Variants in OTUD7A observed in about 807,000 individuals in gnomAD.
The protein encoded by OTUD7A is OTU domain-containing protein 7A.
OTUD7A carries 12 observed loss-of-function variants against 65.7 expected under a neutral mutation model. The ratio of observed to expected loss-of-function variants is 0.18; its 90% CI spans 0.12 to 0.30. The LOEUF (loss-of-function observed/expected upper bound fraction) is 0.30, where lower values mean the gene tolerates loss of function less well. Ranked by LOEUF, OTUD7A falls within the 10% of genes least tolerant of loss-of-function variation. The pLI, the probability that OTUD7A is intolerant of heterozygous loss-of-function variation, is 1.00. For missense variants in OTUD7A, 1,148 were observed against 1,304.8 expected (o/e 0.88, Z 1.85); for synonymous variants, 641 against 586.3 (o/e 1.09, Z -1.35).
chr15:31,497,153 G>A (rs144704432), intron 10 of OTUD7A, among the ~76,000 whole-genome samples: 2 of 152,298 alleles, frequency 1.3e-5, no homozygotes, highest in Admixed American at 6.5e-5. Flanking sequence ...ACACACTGAG[G>A]GTGCCCTGAC....
chr15:31,622,376 T>C (rs1304544421), intron 3 of OTUD7A, among the ~76,000 whole-genome samples: 2 of 152,204 alleles, frequency 1.3e-5, no homozygotes, highest in East Asian at 1.9e-4. Context: ...CTTGGTTCCA[T>C]TCGCCCCCTC....
chr15:31,782,299 C>A (rs112301543), intron 1 of OTUD7A, among the ~76,000 whole-genome samples: 3 of 152,184 alleles, frequency 2.0e-5, no homozygotes, highest in Non-Finnish European at 2.9e-5. Context: ...GAGCAAATCC[C>A]GGTCTCTAAA....
In OTUD7A at chr15:31,654,582, G is replaced by GA. The variant is rs796899434; in HGVS notation, c.151+513dup. The stretch of plus-strand genomic sequence containing the variant: ...CCTTTACATACCACTGCCGCCATCA[G>GA]AAAAAAAAAAGAAAGGTAAATCCAT... On this transcript the variant is annotated intron_variant, in intron 3 of 12. Coordinates refer to ENST00000307050, the MANE Select transcript of OTUD7A (RefSeq NM_001382637.1). Among the ~76,000 whole-genome samples the GA allele has an allele frequency of 3.1e-3, 459 of 146,048 alleles. 5 individuals are homozygous for GA. The highest frequency in any genetic ancestry group is 0.011 in the African/African-American group (430 of 39,896).
chr15:31,654,769 C>T (rs943842827), intron 3 of OTUD7A, among the ~76,000 whole-genome samples: 8 of 152,176 alleles, frequency 5.3e-5, no homozygotes, highest in African/African-American at 1.7e-4. Flanking sequence ...TTGTGAATTA[C>T]TCCCAGTGGC....
chr15:31,734,666 A>G (rs1894137556), intron 1 of OTUD7A, among the ~76,000 whole-genome samples: 1 of 152,032 alleles, frequency 6.6e-6, no homozygotes, highest in Non-Finnish European at 1.5e-5. Flanking sequence ...AAGACTCTCT[A>G]TTTAATAAGT....
chr15:31,772,763 T>C (rs1490282611), intron 1 of OTUD7A, among the ~76,000 whole-genome samples: 3 of 152,250 alleles, frequency 2.0e-5, no homozygotes, highest in Non-Finnish European at 4.4e-5. Context: ...TAAACATATA[T>C]GAAGTTCAAA....
At chr15:31,825,226 G>C (rs1469408931) in intron 1 of OTUD7A, among the ~76,000 whole-genome samples, 1 of 152,206 alleles carries the variant, frequency 6.6e-6, no homozygotes, top group African/African-American at 2.4e-5. Flanking sequence ...TGCTGATAAA[G>C]ACATACCTGA....
intron 1 of OTUD7A, among the ~76,000 whole-genome samples, chr15:31,660,730 G>A (rs750431014): frequency 6.6e-6 from 1 of 152,262 alleles, no homozygotes; most frequent in Admixed American, 6.5e-5. Context: ...GACAGATAGG[G>A]CTGTGTGAAA....
At chr15:31,634,518 G>A (rs188656320) in intron 3 of OTUD7A, among the ~76,000 whole-genome samples, 100 of 152,294 alleles carry the variant, frequency 6.6e-4, no homozygotes, top group African/African-American at 2.1e-3. Flanking sequence ...TTCTCCACCC[G>A]TCTCCACCCA....
At chr15:31,513,412 CCCA>C (rs1366017468) in intron 8 of OTUD7A, among the ~76,000 whole-genome samples, 4 of 152,190 alleles carry the variant, frequency 2.6e-5, no homozygotes, top group Admixed American at 2.6e-4. Flanking sequence ...ATCACCAGAC[CCCA>C]CGTGTGTGTG....
At chr15:31,839,915 A>G (rs935089184) in intron 1 of OTUD7A, among the ~76,000 whole-genome samples, 17 of 151,002 alleles carry the variant, frequency 1.1e-4, no homozygotes, top group Admixed American at 1.1e-3. Flanking sequence ...CAAAATATAA[A>G]TGATATTTTG....
chr15:31,811,671 T>C (rs578232128), intron 1 of OTUD7A, among the ~76,000 whole-genome samples: 11 of 152,060 alleles, frequency 7.2e-5, no homozygotes, highest in Non-Finnish European at 1.3e-4. Context: ...TAAAGGGTAG[T>C]AGAGAGGTGC....
chr15:31,701,567 A>C (rs1893214740), intron 1 of OTUD7A, among the ~76,000 whole-genome samples: 1 of 151,792 alleles, frequency 6.6e-6, no homozygotes, highest in African/African-American at 2.4e-5. Flanking sequence ...GAAATGGACC[A>C]ATTCCTTGAG....
intron 4 of OTUD7A, among the ~76,000 whole-genome samples, chr15:31,568,953 C>A (rs1888962199): frequency 6.6e-6 from 1 of 152,218 alleles, no homozygotes; most frequent in Non-Finnish European, 1.5e-5. Flanking sequence ...GTAAAGCCTG[C>A]AGAACCACGA....
intron 1 of OTUD7A, among the ~76,000 whole-genome samples, chr15:31,867,832 C>G (rs1354042327): frequency 6.6e-6 from 1 of 151,676 alleles, no homozygotes; most frequent in Non-Finnish European, 1.5e-5. Context: ...TCCACAACCT[C>G]TGGTCATTCA....
chr15:31,785,594 G>GC (rs1323238502), intron 1 of OTUD7A, among the ~76,000 whole-genome samples: 1 of 152,052 alleles, frequency 6.6e-6, no homozygotes, highest in Non-Finnish European at 1.5e-5. Context: ...AGATGGCAGT[G>GC]CCCCCCAAAA....
intron 8 of OTUD7A, among the ~76,000 whole-genome samples, chr15:31,510,378 C>CT (rs1180763271): frequency 1.2e-4 from 17 of 146,738 alleles, no homozygotes; most frequent in Admixed American, 3.4e-4. Context: ...GGTGTTTTTG[C>CT]TTTTTTTTTT....
intron 3 of OTUD7A, among the ~76,000 whole-genome samples, chr15:31,629,992 A>G (rs1281608368): frequency 6.7e-6 from 1 of 150,274 alleles, no homozygotes; most frequent in African/African-American, 2.5e-5. Context: ...TTTCTTCTTT[A>G]TTAGTCTTGC....
At chr15:31,762,402 A>G (rs762690892) in intron 1 of OTUD7A, among the ~76,000 whole-genome samples, 2 of 152,238 alleles carry the variant, frequency 1.3e-5, no homozygotes, top group Non-Finnish European at 2.9e-5. Flanking sequence ...AAGCAGGGAC[A>G]CTAAAGCCCT....
Sources: gnomAD v4.1 joint callset for allele counts (sites outside exome capture counted in the v4.1 genomes callset) on GRCh38, gnomAD v4.1.1 for gene constraint, MANE v1.5 for transcripts, NCBI Gene and HGNC (gene_info 2026-07-23, HGNC 2026-07-21) for gene names.